The following OR1F1 variants were observed in gnomAD, a reference collection of about 807,000 sequenced individuals.
OR1F1 encodes olfactory receptor 1F1.
For missense variants in OR1F1, 493 were observed against 376.3 expected (o/e 1.31, Z -2.57); for synonymous variants, 184 against 156.7 (o/e 1.17, Z -1.30).
At chr16:3,196,699 C>CTTTT in the OR1F1 span, among the ~76,000 whole-genome samples, 3 of 123,958 alleles carry the variant, frequency 2.4e-5, no homozygotes, top group Non-Finnish European at 3.5e-5. Context: ...TGAAATTAAT[C>CTTTT]TTTTTTTTTT....
At chr16:3,199,685 G>C (rs1958113998), upstream of OR1F1, among the ~76,000 whole-genome samples, 1 of 152,162 alleles carries the variant, frequency 6.6e-6, no homozygotes, top group Non-Finnish European at 1.5e-5. Flanking sequence ...AACAAATGCA[G>C]CATAGAGTAA....
chr16:3,203,141 C>A (rs563383919), upstream of OR1F1, among the ~76,000 whole-genome samples: 1 of 152,174 alleles, frequency 6.6e-6, no homozygotes, highest in Non-Finnish European at 1.5e-5. Context: ...TTATGTATGA[C>A]AAAGCTTTAT....
At chr16:3,192,674 G>A in the OR1F1 span, among the ~76,000 whole-genome samples, 4 of 152,140 alleles carry the variant, frequency 2.6e-5, no homozygotes, top group African/African-American at 9.7e-5. Flanking sequence ...GGTTTTGTCT[G>A]GCTCCTTGCT....
chr16:3,205,512 C>G (rs1251027088), downstream of OR1F1, among the ~76,000 whole-genome samples: 1 of 150,654 alleles, frequency 6.6e-6, no homozygotes, highest in Non-Finnish European at 1.5e-5. Context: ...GACGGAGTCT[C>G]TCTATGTCGC....
chr16:3,190,582 C>T, the OR1F1 span, among the ~76,000 whole-genome samples: 1 of 152,060 alleles, frequency 6.6e-6, no homozygotes, highest in Non-Finnish European at 1.5e-5. Context: ...AAAACCCTGT[C>T]TCTACTGAAA....
chr16:3,192,850 C>T, the OR1F1 span, among the ~76,000 whole-genome samples: 1 of 152,068 alleles, frequency 6.6e-6, no homozygotes, highest in Non-Finnish European at 1.5e-5. Flanking sequence ...GAGCTTTTGG[C>T]GGTCCGGTGG....
At chr16:3,204,483 C>G (rs1282617380) in exon 1 of OR1F1, 2 of 1,614,166 alleles carry the variant, frequency 1.2e-6, no homozygotes, top group Non-Finnish European at 1.7e-6. Flanking sequence ...CCACCGTCCC[C>G]AAGATGCTGG....
chr16:3,190,933 C>G, the OR1F1 span, among the ~76,000 whole-genome samples: 12 of 152,124 alleles, frequency 7.9e-5, no homozygotes, highest in African/African-American at 2.7e-4. Context: ...GTAAAATGCT[C>G]TCCTTTGAAC....
chr16:3,202,070 TTC>T (rs1479106982), upstream of OR1F1, among the ~76,000 whole-genome samples: 1 of 152,218 alleles, frequency 6.6e-6, no homozygotes, highest in Non-Finnish European at 1.5e-5. Context: ...CGCCCTTGTA[TTC>T]TTTCCTGGGC....
At chr16:3,202,843 C>T (rs900654075), upstream of OR1F1, among the ~76,000 whole-genome samples, 1 of 152,056 alleles carries the variant, frequency 6.6e-6, no homozygotes, top group Non-Finnish European at 1.5e-5. Context: ...TATTATTTCT[C>T]CACTCTATAG....
At chr16:3,189,328 G>A in the OR1F1 span, among the ~76,000 whole-genome samples, 3 of 152,200 alleles carry the variant, frequency 2.0e-5, no homozygotes, top group Non-Finnish European at 4.4e-5. Context: ...CATGTCCTGC[G>A]GAAGCTGGAG....
At chr16:3,205,195 C>G (rs751873067), downstream of OR1F1, 7 of 1,582,866 alleles carry the variant, frequency 4.4e-6, no homozygotes, top group Admixed American at 1.7e-5. Context: ...ATGAAATAAT[C>G]AAGACTGAAT....
At chr16:3,205,866 CAT>C (rs572915878), downstream of OR1F1, among the ~76,000 whole-genome samples, 6 of 152,226 alleles carry the variant, frequency 3.9e-5, no homozygotes, top group East Asian at 1.9e-4. Flanking sequence ...GATTGTAAAA[CAT>C]GTGTATTTGA....
chr16:3,197,667 G>GC, the OR1F1 span, among the ~76,000 whole-genome samples: 413 of 1,982 alleles, frequency 0.21, 115 homozygotes, highest in African/African-American at 0.48. Flanking sequence ...AAGCTTAAAT[G>GC]GGCTGGGGAG....
upstream of OR1F1, among the ~76,000 whole-genome samples, chr16:3,200,825 A>G (rs1397390032): frequency 3.3e-5 from 5 of 152,110 alleles, no homozygotes; most frequent in African/African-American, 1.2e-4. Flanking sequence ...ATTCTTGACT[A>G]CCTATCCTGC....
At chr16:3,204,312 G>A (rs1006941659) in exon 1 of OR1F1, 4 of 1,614,014 alleles carry the variant, frequency 2.5e-6, no homozygotes, top group South Asian at 2.2e-5. Flanking sequence ...GGCAGCCCCA[G>A]CAGCAGCATC....
the OR1F1 span, among the ~76,000 whole-genome samples, chr16:3,194,776 A>G: frequency 7.4e-4 from 112 of 152,360 alleles, no homozygotes; most frequent in African/African-American, 2.5e-3. Flanking sequence ...GCAGATGATC[A>G]TGTGGACTTA....
At chr16:3,189,677 G>C in the OR1F1 span, 4 of 151,882 alleles carry the variant, frequency 2.6e-5, no homozygotes, top group African/African-American at 9.7e-5. Context: ...GGGTGCGAGA[G>C]GTCCCGGGTT....
chr16:3,192,296 G>A, the OR1F1 span, among the ~76,000 whole-genome samples: 1 of 152,122 alleles, frequency 6.6e-6, no homozygotes, highest in Non-Finnish European at 1.5e-5. Flanking sequence ...CTCGTGATCC[G>A]CCCGCCTCGG....
Sources: gnomAD v4.1 joint callset for allele counts (sites outside exome capture counted in the v4.1 genomes callset) on GRCh38, gnomAD v4.1.1 for gene constraint, MANE v1.5 for transcripts, NCBI Gene and HGNC (gene_info 2026-07-23, HGNC 2026-07-21) for gene names.